The following BZW1 variants were observed in gnomAD, a reference collection of about 807,000 sequenced individuals.
The protein encoded by BZW1 is eIF5-mimic protein 2.
Under a neutral mutation model 54.1 loss-of-function variants are expected in BZW1, and 3 were observed. That is an observed-to-expected ratio of 0.06 (90% CI 0.03 to 0.14). The LOEUF is 0.14. Ranked by LOEUF, BZW1 falls within the 10% of genes least tolerant of loss-of-function variation. The pLI is 1.00. For missense variants in BZW1, 206 were observed against 491.7 expected (o/e 0.42, Z 5.50); for synonymous variants, 152 against 162.7 (o/e 0.93, Z 0.50).
In BZW1 at chr2:200,820,009, A is replaced by G. The variant is rs910915404; in HGVS notation, c.994A>G (p.Thr332Ala). The G allele has an allele frequency of 3.3e-6, 5 of 1,528,038 alleles. No homozygotes were observed. In the African/African-American group the frequency reaches 6.9e-5, roughly 21 times the overall value. 94.7% of individuals were successfully genotyped at this position (1,528,038 alleles called of 1,614,324 possible). Residue 332 changes from threonine (T) to alanine (A), a missense_variant, in exon 10 of 12, where the codon ACT becomes GCT. Transcript: ENST00000409600. ...KQYSPLLAAF[T>A]TQGQSELTLL... The stretch of plus-strand genomic sequence containing the variant: ...ATACAGCCCTCTACTTGCTGCCTTT[A>G]CTACTCAAGGTCAGTCTGAGCTGAC...
In BZW1 at chr2:200,824,826, C is replaced by T. The variant is rs1295227667; in HGVS notation, c.*2648C>T. On this transcript the variant is annotated 3_prime_UTR_variant, in exon 12 of 12. Coordinates refer to ENST00000409600, the MANE Select transcript of BZW1 (RefSeq NM_001207067.2). ...AGCTGGGACTACAGGCGCCCGCCAC[C>T]ATGCCCGACTAATTTTTTTGTATTT... 2 of 151,988 alleles carry T rather than the reference C, an allele frequency of 1.3e-5. No homozygotes were observed. The highest frequency in any genetic ancestry group is 2.9e-5 in the Non-Finnish European group (2 of 67,990). The allele number at this position is 151,988 out of a possible 1,614,324, so 9.4% of individuals were successfully genotyped here.
intron 1 of BZW1, chr2:200,812,722 A>T: frequency 1.3e-6 from 1 of 778,996 alleles, no homozygotes. Context: ...TTGCGGTCAC[A>T]GGCATGACCT....
intron 9 of BZW1, 148 bp from the exon 10 acceptor site, chr2:200,819,834 C>G (rs1559314042): frequency 2.6e-6 from 2 of 761,182 alleles, no homozygotes; most frequent in Non-Finnish European, 3.7e-6. Flanking sequence ...CTGTGCCCAG[C>G]CTATTTTTTA....
rs755412748 is a variant in BZW1 at position 200,818,212 on chromosome 2, T to C, written c.649-11T>C. 1 of 1,553,474 alleles carries C rather than the reference T, an allele frequency of 6.4e-7. No homozygotes were observed. The highest frequency in any genetic ancestry group is 8.7e-7 in the Non-Finnish European group (1 of 1,151,222). ...TTAAAGAAAGTTTAACCAGATAAAT[T>C]CTTCTTTTAGGAACTCTTTCCTGCC... On this transcript the variant is annotated splice_polypyrimidine_tract_variant and intron_variant, in intron 7 of 11. Transcript: ENST00000409600.
rs531922582 is a variant in BZW1 at position 200,826,380 on chromosome 2, G to T, written c.*4202G>T. ...AGTTGATGGGATGAAGATATAGATA[G>T]ATAGATAGATAGATAGATAGATAGA... On this transcript the variant is annotated 3_prime_UTR_variant, in exon 12 of 12. Transcript: ENST00000409600. The T allele has an allele frequency of 2.1e-5, 1 of 48,400 alleles. No homozygotes were observed. The highest frequency in any genetic ancestry group is 8.1e-5 in the African/African-American group (1 of 12,380). The allele number at this position is 48,400 out of a possible 1,614,324, so 3.0% of individuals were successfully genotyped here.
rs1474928666 is a variant in BZW1 at position 200,827,060 on chromosome 2, GTC to G, written c.*4886_*4887del. On this transcript the variant is annotated 3_prime_UTR_variant, in exon 12 of 12. Coordinates refer to ENST00000409600, the MANE Select transcript of BZW1 (RefSeq NM_001207067.2). ...TATGACTTCAAAAAGATACTCAACA[GTC>G]TCTGGCATTTGAAGAACAAAATATT... 1 of 151,968 alleles carries G rather than the reference GTC, an allele frequency of 6.6e-6. No individual in the cohort carries two copies. The highest frequency in any genetic ancestry group is 6.6e-5 in the Admixed American group (1 of 15,230). 9.4% of individuals were successfully genotyped at this position (151,968 alleles called of 1,614,324 possible).
intron 6 of BZW1, 68 bp downstream of exon 6, chr2:200,817,309 TC>T: frequency 6.5e-7 from 1 of 1,541,312 alleles, no homozygotes; most frequent in Non-Finnish European, 8.8e-7. Flanking sequence ...GGTTTACTGT[TC>T]ATAGATGTGA....
rs1266255143 is a variant in BZW1 at position 200,816,395 on chromosome 2, G to A, written c.402+5G>A. On this transcript the variant is annotated splice_donor_5th_base_variant and intron_variant, in intron 5 of 11. Coordinates refer to ENST00000409600, the MANE Select transcript of BZW1 (RefSeq NM_001207067.2). The stretch of plus-strand genomic sequence containing the variant: ...TTTGAAGATGAAGTAAAAAAGGTAT[G>A]AGTAATAATGTACTTTGTGGAAAAG... 2 of 1,566,330 alleles carry A rather than the reference G, an allele frequency of 1.3e-6. No individual in the cohort carries two copies. The highest frequency in any genetic ancestry group is 1.3e-5 in the African/African-American group (1 of 74,142).
rs921681179 is a variant in BZW1 at position 200,823,591 on chromosome 2, A to G, written c.*1413A>G. On this transcript the variant is annotated 3_prime_UTR_variant, in exon 12 of 12. Coordinates refer to ENST00000409600, the MANE Select transcript of BZW1 (RefSeq NM_001207067.2). ...CTTATGAGCCAAAAGTTTGTCATTT[A>G]AAAGTTCATTTTGAGGGAATAACAT... 6.6e-6 allele frequency: 1 copy of G among 152,628 alleles called. No individual in the cohort carries two copies. The highest frequency in any genetic ancestry group is 1.5e-5 in the Non-Finnish European group (1 of 68,026). The allele number at this position is 152,628 out of a possible 1,614,324, so 9.5% of individuals were successfully genotyped here. A position where few individuals can be genotyped will look rare whatever the true frequency, so the allele number is the denominator to read the frequency against.
intron 9 of BZW1, 127 bp from the exon 10 acceptor site, chr2:200,819,855 A>G (rs1252601790): frequency 2.2e-6 from 2 of 918,664 alleles, no homozygotes; most frequent in South Asian, 3.9e-5. Context: ...AATTTCTGGT[A>G]AATAAGTTAT....
intron 8 of BZW1, 80 bp downstream of exon 8, chr2:200,818,473 C>T: frequency 1.4e-6 from 2 of 1,465,120 alleles, no homozygotes; most frequent in South Asian, 1.2e-5. Flanking sequence ...ACTTACTTCA[C>T]CAGGATGAGA....
rs1222675213 is a variant in BZW1, at chr2:200,812,700, A to AG, written c.-10-506dup. The AG allele has an allele frequency of 1.4e-5, 13 of 898,208 alleles. No individual in the cohort carries two copies. In the African/African-American group the frequency reaches 2.0e-4, roughly 14 times the overall value. The allele number at this position is 898,208 out of a possible 1,614,324, so 55.6% of individuals were successfully genotyped here. On this transcript the variant is annotated intron_variant, in intron 1 of 11. Coordinates refer to ENST00000409600, the MANE Select transcript of BZW1 (RefSeq NM_001207067.2). ...TAGTTTTGCAGGCCTGAGTGGTGCAAGGCGGCCGCTGTTGCGGTCACAGGC... is the reference window on the plus strand; with the variant it reads ...TAGTTTTGCAGGCCTGAGTGGTGCAAGGGCGGCCGCTGTTGCGGTCACAGGC...
In BZW1 at chr2:200,818,886, C is replaced by T; in HGVS notation, c.951C>T (p.Ala317=). 1.9e-6 allele frequency: 3 copies of T among 1,589,454 alleles called. No individual in the cohort carries two copies. The highest frequency in any genetic ancestry group is 2.6e-6 in the Non-Finnish European group (3 of 1,171,238). The change falls in exon 9 of 12, where the codon GCC becomes GCT. Residue 317 remains alanine (A), a synonymous_variant. Coordinates refer to ENST00000409600, the MANE Select transcript of BZW1 (RefSeq NM_001207067.2). ...NKKEELVAEQ[A]IKHLKQYSPL... The stretch of plus-strand genomic sequence containing the variant: ...AAGAGGAGCTTGTAGCAGAGCAAGC[C>T]ATCAAGCACTTGAAGGTATTAGAAC...
At position 200,820,013 on chromosome 2, in the gene BZW1, C is replaced by T. The variant is rs765964327; in HGVS notation, c.998C>T (p.Thr333Ile). The stretch of plus-strand genomic sequence containing the variant: ...AGCCCTCTACTTGCTGCCTTTACTA[C>T]TCAAGGTCAGTCTGAGCTGACTCTG... ...QYSPLLAAFT[T>I]QGQSELTLLL... The change falls in exon 10 of 12, where the codon ACT (threonine) becomes ATT (isoleucine). Residue 333 changes from threonine (T) to isoleucine (I), a missense_variant. Coordinates refer to ENST00000409600, the MANE Select transcript of BZW1 (RefSeq NM_001207067.2). The T allele has an allele frequency of 4.6e-6, 7 of 1,536,068 alleles. No individual in the cohort carries two copies. In the African/African-American group the frequency reaches 8.3e-5, roughly 18 times the overall value.
At chr2:200,820,152 C>G in intron 10 of BZW1, 32 bp downstream of exon 10, 3 of 1,490,250 alleles carry the variant, frequency 2.0e-6, no homozygotes, top group Non-Finnish European at 2.7e-6. Context: ...GTAAATAACA[C>G]TTAATAAAAA....
At chr2:200,818,592 G>A (rs2038379883) in intron 8 of BZW1, among the ~76,000 whole-genome samples, 163 bp from the exon 9 acceptor site, 1 of 152,180 alleles carries the variant, frequency 6.6e-6, no homozygotes, top group South Asian at 2.1e-4. Context: ...GGAGCTCAGG[G>A]CACCTTTCAG....
rs541966734 is a variant in BZW1, at chr2:200,826,219, C to T, written c.*4041C>T. The T allele has an allele frequency of 3.3e-5, 5 of 152,054 alleles. No homozygotes were observed. The highest frequency in any genetic ancestry group is 7.4e-5 in the Non-Finnish European group (5 of 68,014). The allele number at this position is 152,054 out of a possible 1,614,324, so 9.4% of individuals were successfully genotyped here. The stretch of plus-strand genomic sequence containing the variant: ...AAACTGGATCAGAAAGGCTTTCTGA[C>T]TCCTTTCTCTTCACTTTTTTCTCCC... On this transcript the variant is annotated 3_prime_UTR_variant, in exon 12 of 12. Coordinates refer to ENST00000409600, the MANE Select transcript of BZW1 (RefSeq NM_001207067.2).
chr2:200,822,085 T>G, intron 11 of BZW1, 62 bp from the exon 12 acceptor site: 5 of 1,468,828 alleles, frequency 3.4e-6, no homozygotes, highest in Non-Finnish European at 3.8e-6. Flanking sequence ...GCTTCAAAGT[T>G]ATAAATGGGA....
chr2:200,825,736 C>T lies in BZW1; in HGVS notation c.*3558C>T, dbSNP rs2038673418. The stretch of plus-strand genomic sequence containing the variant: ...GAATGAATTAAAGTTGTAGGCATAA[C>T]ACTGATAAACCTCTGCTCTCATACT... On this transcript the variant is annotated 3_prime_UTR_variant, in exon 12 of 12. Coordinates refer to ENST00000409600, the MANE Select transcript of BZW1 (RefSeq NM_001207067.2). 1.3e-5 allele frequency: 2 copies of T among 152,218 alleles called. No individual in the cohort carries two copies. The highest frequency in any genetic ancestry group is 2.9e-5 in the Non-Finnish European group (2 of 68,044). 9.4% of individuals were successfully genotyped at this position (152,218 alleles called of 1,614,324 possible). A position where few individuals can be genotyped will look rare whatever the true frequency, so the allele number is the denominator to read the frequency against.
Sources: gnomAD v4.1 joint callset for allele counts (sites outside exome capture counted in the v4.1 genomes callset) on GRCh38, gnomAD v4.1.1 for gene constraint, MANE v1.5 for transcripts, NCBI Gene and HGNC (gene_info 2026-07-23, HGNC 2026-07-21) for gene names.